The following CDH18 variants were observed in gnomAD, a reference collection of about 807,000 sequenced individuals.
CDH18 encodes the protein cadherin 18, also known as cadherin-18.
Under a neutral mutation model 67.9 loss-of-function variants are expected in CDH18, and 31 were observed. The ratio of observed to expected loss-of-function variants is 0.46; its 90% CI spans 0.34 to 0.62. CDH18 has a LOEUF of 0.62. Ranked by LOEUF, CDH18 falls within the 20% of genes least tolerant of loss-of-function variation. The pLI is 0.01. For missense variants in CDH18, 890 were observed against 975.5 expected, an observed-to-expected ratio of 0.91 and a Z score of 1.17; for synonymous variants, 362 against 347.2, an observed-to-expected ratio of 1.04 and a Z score of -0.48.
intron 2 of CDH18, among the ~76,000 whole-genome samples, chr5:19,946,462 GT>G (rs1269367441): frequency 1.3e-5 from 2 of 152,104 alleles, no homozygotes; most frequent in African/African-American, 4.8e-5. Flanking sequence ...CTCCTTATGA[GT>G]TTTTTAGACC....
chr5:20,341,700 T>C (rs970883664), intron 1 of CDH18, among the ~76,000 whole-genome samples: 1 of 151,992 alleles, frequency 6.6e-6, no homozygotes, highest in Non-Finnish European at 1.5e-5. Flanking sequence ...CTTTCATTTG[T>C]TTTGGGGTTT....
intron 2 of CDH18, among the ~76,000 whole-genome samples, chr5:20,096,547 G>A (rs543773006): frequency 4.0e-5 from 6 of 151,892 alleles, no homozygotes; most frequent in Non-Finnish European, 7.4e-5. Context: ...TAATATGCAT[G>A]GCTTTAAAAG....
chr5:19,765,515 C>T (rs1772963913), intron 3 of CDH18, among the ~76,000 whole-genome samples: 1 of 151,956 alleles, frequency 6.6e-6, no homozygotes. Flanking sequence ...TTGACAGAAA[C>T]TGATCTAACG....
intron 2 of CDH18, among the ~76,000 whole-genome samples, chr5:19,974,081 T>C (rs746270132): frequency 1.3e-5 from 2 of 152,050 alleles, no homozygotes; most frequent in Non-Finnish European, 2.9e-5. Context: ...AGTGAACATA[T>C]TTTTAAAATA....
chr5:20,335,508 T>C (rs1055293130), intron 1 of CDH18, among the ~76,000 whole-genome samples: 9 of 152,080 alleles, frequency 5.9e-5, no homozygotes, highest in Admixed American at 5.2e-4. Context: ...CTCCCAAAAC[T>C]TTTCTTTAAG....
At chr5:20,009,161 C>A (rs534277992) in intron 2 of CDH18, among the ~76,000 whole-genome samples, 1 of 152,160 alleles carries the variant, frequency 6.6e-6, no homozygotes, top group African/African-American at 2.4e-5. Flanking sequence ...CCAGCAAATA[C>A]ACTTCAGTAT....
chr5:20,220,419 T>C (rs925773634), intron 2 of CDH18, among the ~76,000 whole-genome samples: 1 of 151,934 alleles, frequency 6.6e-6, no homozygotes, highest in Admixed American at 6.6e-5. Flanking sequence ...GAAATGGATA[T>C]CCACATGTAG....
chr5:20,195,669 TAAGA>T (rs1358583184), intron 2 of CDH18, among the ~76,000 whole-genome samples: 1 of 152,038 alleles, frequency 6.6e-6, no homozygotes. Context: ...TCTAAAAATT[TAAGA>T]AAGACAAAAT....
At chr5:20,062,140 A>AATAATTATT (rs1554085580) in intron 2 of CDH18, among the ~76,000 whole-genome samples, 10 of 137,930 alleles carry the variant, frequency 7.3e-5, no homozygotes, top group African/African-American at 2.1e-4. Context: ...TTAAGCCCAG[A>AATAATTATT]ATTATTATTA....
intron 9 of CDH18, among the ~76,000 whole-genome samples, chr5:19,537,849 T>C (rs910385458): frequency 3.9e-5 from 6 of 152,204 alleles, no homozygotes; most frequent in Non-Finnish European, 8.8e-5. Context: ...TTTATTAATA[T>C]ATTCTGCATG....
chr5:19,839,137 G>C lies in CDH18; in HGVS notation c.-151C>G, dbSNP rs1336903843. The C allele has an allele frequency of 3.3e-6, 2 of 615,170 alleles. No individual in the cohort carries two copies. Among genetic ancestry groups the C allele is most frequent in the Non-Finnish European group, 5.8e-6 (2 of 345,328 alleles). The allele number at this position is 615,170 out of a possible 1,614,324, so 38.1% of individuals were successfully genotyped here. A position where few individuals can be genotyped will look rare whatever the true frequency, so the allele number is the denominator to read the frequency against. On this transcript the variant is annotated 5_prime_UTR_variant, in exon 3 of 13. Transcript: ENST00000382275. ...TGTCCATGATTTAACTGTCCATCAG[G>C]GAAAGGTCAGATCATATTTACATTC... is the stretch of plus-strand genomic sequence containing the variant.
chr5:19,502,756 T>C (rs1379436840), intron 11 of CDH18: 9 of 514,336 alleles, frequency 1.7e-5, no homozygotes, highest in Non-Finnish European at 2.7e-5. Flanking sequence ...CCCAAGAGCA[T>C]ATTACATGTA....
chr5:19,850,203 A>G (rs1783531113), intron 2 of CDH18, among the ~76,000 whole-genome samples: 1 of 151,874 alleles, frequency 6.6e-6, no homozygotes, highest in African/African-American at 2.4e-5. Flanking sequence ...AATGTATGTA[A>G]TATTTTTGTT....
In CDH18 at chr5:20,322,383, C is replaced by T. The variant is rs991900339; in HGVS notation, c.-579-66878G>A. 5.3e-5 allele frequency among the ~76,000 whole-genome samples: 8 copies of T among 152,202 alleles called. No homozygotes were observed. The South Asian group carries it at 1.0e-3, about 20-fold the overall frequency. ...CCAGAAAATAGACATAAATTGCTCACATGTCATTGTATATAATTTAATTAA... is the reference window on the plus strand; with the variant it reads ...CCAGAAAATAGACATAAATTGCTCATATGTCATTGTATATAATTTAATTAA... On this transcript the variant is annotated intron_variant, in intron 1 of 14. Transcript: ENST00000507958.
chr5:20,448,282 C>CT (rs750043009), intron 1 of CDH18, among the ~76,000 whole-genome samples: 12,788 of 144,792 alleles, frequency 0.088, 1,251 homozygotes, highest in African/African-American at 0.25. Flanking sequence ...GCCACATTTT[C>CT]TTTTTTTTTT....
At chr5:19,934,906 A>G (rs778561349) in intron 2 of CDH18, among the ~76,000 whole-genome samples, 8 of 151,364 alleles carry the variant, frequency 5.3e-5, no homozygotes, top group South Asian at 2.1e-4. Flanking sequence ...ATAAACCCAG[A>G]TAAAAAGAGG....
chr5:19,991,126 G>A (rs1317370660), upstream of CDH18, among the ~76,000 whole-genome samples: 1 of 152,158 alleles, frequency 6.6e-6, no homozygotes, highest in Non-Finnish European at 1.5e-5. Flanking sequence ...TTCTGAGAGA[G>A]AGACTCAGAA....
chr5:19,591,269 T>C (rs1419231251), intron 6 of CDH18, 25 bp from the exon 7 acceptor site: 1 of 1,443,994 alleles, frequency 6.9e-7, no homozygotes, highest in Non-Finnish European at 9.4e-7. Context: ...ATATTAAACA[T>C]ATTTAAATAC....
intron 2 of CDH18, among the ~76,000 whole-genome samples, chr5:20,247,645 T>A (rs1322382523): frequency 6.6e-6 from 1 of 151,300 alleles, no homozygotes; most frequent in East Asian, 2.0e-4. Flanking sequence ...TCACCTGTAA[T>A]CCCAGCTACT....
Sources: allele counts gnomAD v4.1 joint callset (sites outside exome capture counted in the v4.1 genomes callset), GRCh38; gene constraint gnomAD v4.1.1; transcripts MANE v1.5; gene names NCBI Gene and HGNC (gene_info 2026-07-23, HGNC 2026-07-21).